Variants in OR1L1 observed in about 807,000 individuals in gnomAD.
OR1L1 encodes the protein olfactory receptor 1L1.
For synonymous variants in OR1L1, 132 were observed against 139.1 expected, an observed-to-expected ratio of 0.95 and a Z score of 0.36; for missense variants, 367 against 371.1, an observed-to-expected ratio of 0.99 and a Z score of 0.09.
chr9:122,662,583 A>G lies in OR1L1; in HGVS notation c.868A>G (p.Ser290Gly), dbSNP rs956197417. ...LTPMLNPFIY[S>G]LRNKDMKQGL... ...TCCTATGCTAAATCCATTTATCTAT[A>G]GTCTGAGGAACAAAGACATGAAGCA... Residue 290 changes from serine (S) to glycine (G), a missense_variant, in exon 1 of 1, where the codon AGT becomes GGT. Transcript: ENST00000309623. The G allele has an allele frequency of 3.1e-6, 5 of 1,613,606 alleles. No homozygotes were observed. Among genetic ancestry groups the G allele is most frequent in the African/African-American group, 1.3e-5 (1 of 74,948 alleles).
rs545225993 is a variant in OR1L1, at chr9:122,662,248, T to G, written c.533T>G (p.Phe178Cys). The G allele has an allele frequency of 1.2e-6, 2 of 1,614,084 alleles. No homozygotes were observed. The highest frequency in any genetic ancestry group is 1.3e-5 in the African/African-American group (1 of 75,062). The change falls in exon 1 of 1, where the codon TTC becomes TGC. Residue 178 changes from phenylalanine (F) to cysteine (C), a missense_variant. Physicochemically the swap from Phe to Cys is radical, Grantham distance 205. Coordinates refer to ENST00000309623, the MANE Select transcript of OR1L1 (RefSeq NM_001005236.3). ...GCCTCAAATGTCATCCATCACTTTT[T>G]CTGCGATGATCAACCAGTGCTAAAA... ...FCASNVIHHF[F>C]CDDQPVLKLS...
Position 122,662,613 on chromosome 9 carries a change from T to C in OR1L1, c.898T>C (p.Leu300=). The C allele has an allele frequency of 6.2e-7, 1 of 1,611,588 alleles. No individual in the cohort carries two copies. Among genetic ancestry groups the C allele is most frequent in the Non-Finnish European group, 8.5e-7 (1 of 1,179,950 alleles). ...GAGGAACAAAGACATGAAGCAGGGT[T>C]TGGCAAAGTTGATGCACAGGATGAA... is the stretch of plus-strand genomic sequence containing the variant. ...SLRNKDMKQG[L]AKLMHRMKCQ Residue 300 remains leucine, a synonymous_variant, in exon 1 of 1, where the codon TTG becomes CTG. Transcript: ENST00000309623.
chr9:122,661,831 T>A lies in OR1L1; in HGVS notation c.116T>A (p.Val39Glu), dbSNP rs776232377. 2.5e-6 allele frequency: 4 copies of A among 1,614,056 alleles called. No homozygotes were observed. The highest frequency in any genetic ancestry group is 2.2e-5 in the South Asian group (2 of 91,078). ...TTCCTCCCCATCTACCTTATCACAG[T>A]GATAGGAAACCTGCTTATCATCCTG... is the stretch of plus-strand genomic sequence containing the variant. ...AVFLPIYLITVIGNLLIILAI... is the reference protein window; with the variant it reads ...AVFLPIYLITEIGNLLIILAI... Residue 39 changes from valine (V) to glutamate (E), a missense_variant, in exon 1 of 1, where the codon GTG becomes GAG. Transcript: ENST00000309623.
Position 122,662,497 on chromosome 9 carries a change from A to G in OR1L1, c.782A>G (p.Gln261Arg), listed in dbSNP as rs1157682630. ...FYGSISYLYFQPLSNYTVKDQ... is the reference protein window; with the variant it reads ...FYGSISYLYFRPLSNYTVKDQ... ...GGAAGCATTAGCTATCTCTATTTTC[A>G]GCCCCTGTCCAACTATACTGTCAAG... Residue 261 changes from glutamine (Q) to arginine (R), a missense_variant, in exon 1 of 1, where the codon CAG (glutamine) becomes CGG (arginine). Coordinates refer to ENST00000309623, the MANE Select transcript of OR1L1 (RefSeq NM_001005236.3). The G allele has an allele frequency of 6.2e-7, 1 of 1,614,186 alleles. No homozygotes were observed. Among genetic ancestry groups the G allele is most frequent in the South Asian group, 1.1e-5 (1 of 91,080 alleles).
Position 122,661,791 on chromosome 9 carries a change from C to T in OR1L1, c.76C>T (p.Pro26Ser), listed in dbSNP as rs1469386617. Residue 26 changes from proline (P) to serine (S), a missense_variant, in exon 1 of 1, where the codon CCG (proline) becomes TCG (serine). Coordinates refer to ENST00000309623, the MANE Select transcript of OR1L1 (RefSeq NM_001005236.3). ...CTCCTCTCGACCTGAGGATCAGAAG[C>T]CGCTCTTTGCTGTGTTCCTCCCCAT... ...GLSSRPEDQK[P>S]LFAVFLPIYL... 6.8e-6 allele frequency: 11 copies of T among 1,614,032 alleles called. No homozygotes were observed. Among genetic ancestry groups the T allele is most frequent in the Non-Finnish European group, 9.3e-6 (11 of 1,180,024 alleles).
chr9:122,661,894 A>G lies in OR1L1; in HGVS notation c.179A>G (p.Tyr60Cys), dbSNP rs746753837. Residue 60 changes from tyrosine (Y) to cysteine (C), a missense_variant, in exon 1 of 1, where the codon TAC (tyrosine) becomes TGC (cysteine). Tyr to Cys is a radical substitution (Grantham distance 194). Transcript: ENST00000309623. ...GACACTCGTCTCCAGACGCCCATGTACTTCTTTCTAAGCATCCTGTCTTTT... is the reference window on the plus strand; with the variant it reads ...GACACTCGTCTCCAGACGCCCATGTGCTTCTTTCTAAGCATCCTGTCTTTT... The part of the protein sequence containing the change: ...RSDTRLQTPM[Y>C]FFLSILSFVD... 9 of 1,614,042 alleles carry G rather than the reference A, an allele frequency of 5.6e-6. No homozygotes were observed. The highest frequency in any genetic ancestry group is 5.1e-6 in the Non-Finnish European group (6 of 1,180,052).
At position 122,662,612 on chromosome 9, in the gene OR1L1, T is replaced by C; in HGVS notation, c.897T>C (p.Gly299=). The C allele has an allele frequency of 1.2e-6, 2 of 1,611,660 alleles. No individual in the cohort carries two copies. The highest frequency in any genetic ancestry group is 1.1e-5 in the South Asian group (1 of 91,074). Reference sequence around the variant, plus strand: ...TGAGGAACAAAGACATGAAGCAGGGTTTGGCAAAGTTGATGCACAGGATGA... The same window carrying C: ...TGAGGAACAAAGACATGAAGCAGGGCTTGGCAAAGTTGATGCACAGGATGA... ...YSLRNKDMKQ[G]LAKLMHRMKC... Residue 299 remains glycine, a synonymous_variant, in exon 1 of 1, where the codon GGT becomes GGC. Transcript: ENST00000309623.
At position 122,662,341 on chromosome 9, in the gene OR1L1, C is replaced by A. The variant is rs749902082; in HGVS notation, c.626C>A (p.Thr209Asn). The A allele has an allele frequency of 2.5e-5, 41 of 1,614,054 alleles. No individual in the cohort carries two copies. Among genetic ancestry groups the A allele is most frequent in the Non-Finnish European group, 3.2e-5 (38 of 1,180,030 alleles). ...VMTEGLAVIM[T>N]PFSCIIISYL... ...ACAGAAGGCTTGGCTGTCATAATGA[C>A]CCCGTTTTCATGCATCATCATCTCT... The change falls in exon 1 of 1, where the codon ACC (threonine) becomes AAC (asparagine). Residue 209 changes from threonine (T) to asparagine (N), a missense_variant. Transcript: ENST00000309623.
Position 122,662,516 on chromosome 9 carries a change from T to C in OR1L1, c.801T>C (p.Thr267=). ...ATTTTCAGCCCCTGTCCAACTATAC[T>C]GTCAAGGATCAAATAGCAACAATTA... ...YLYFQPLSNY[T]VKDQIATIIY... The change falls in exon 1 of 1, where the codon ACT becomes ACC. Residue 267 remains threonine, a synonymous_variant. Coordinates refer to ENST00000309623, the MANE Select transcript of OR1L1 (RefSeq NM_001005236.3). 3 of 1,614,180 alleles carry C rather than the reference T, an allele frequency of 1.9e-6. No homozygotes were observed. Among genetic ancestry groups the C allele is most frequent in the Non-Finnish European group, 2.5e-6 (3 of 1,180,008 alleles).
Position 122,662,242 on chromosome 9 carries a change from A to G in OR1L1, c.527A>G (p.His176Arg), listed in dbSNP as rs777696635. ...LIFCASNVIHHFFCDDQPVLK... is the reference protein window; with the variant it reads ...LIFCASNVIHRFFCDDQPVLK... The stretch of plus-strand genomic sequence containing the variant: ...TTCTGTGCCTCAAATGTCATCCATC[A>G]CTTTTTCTGCGATGATCAACCAGTG... The change falls in exon 1 of 1, where the codon CAC becomes CGC. Residue 176 changes from histidine (H) to arginine (R), a missense_variant. His to Arg is a conservative substitution (Grantham distance 29). Transcript: ENST00000309623. 7 of 1,613,760 alleles carry G rather than the reference A, an allele frequency of 4.3e-6. No individual in the cohort carries two copies. In the African/African-American group the frequency reaches 9.4e-5, roughly 22 times the overall value.
At position 122,661,822 on chromosome 9, in the gene OR1L1, T is replaced by G. The variant is rs1830518315; in HGVS notation, c.107T>G (p.Leu36Arg). 1 of 1,614,054 alleles carries G rather than the reference T, an allele frequency of 6.2e-7. No homozygotes were observed. The highest frequency in any genetic ancestry group is 1.7e-5 in the Admixed American group (1 of 60,006). ...TTTGCTGTGTTCCTCCCCATCTACC[T>G]TATCACAGTGATAGGAAACCTGCTT... is the stretch of plus-strand genomic sequence containing the variant. The part of the protein sequence containing the change: ...PLFAVFLPIY[L>R]ITVIGNLLII... The change falls in exon 1 of 1, where the codon CTT (leucine) becomes CGT (arginine). Residue 36 changes from leucine (L) to arginine (R), a missense_variant. By Grantham distance (102) the Leu-to-Arg change is moderately radical. Transcript: ENST00000309623.
In OR1L1 at chr9:122,662,560, C is replaced by T; in HGVS notation, c.845C>T (p.Pro282Leu). ...ACAATTATCTACACCGTACTGACTC[C>T]TATGCTAAATCCATTTATCTATAGT... ...IATIIYTVLTPMLNPFIYSLR... is the reference protein window; with the variant it reads ...IATIIYTVLTLMLNPFIYSLR... The change falls in exon 1 of 1, where the codon CCT becomes CTT. Residue 282 changes from proline to leucine, a missense_variant. Physicochemically the swap from Pro to Leu is moderately conservative, Grantham distance 98. Coordinates refer to ENST00000309623, the MANE Select transcript of OR1L1 (RefSeq NM_001005236.3). 6.2e-7 allele frequency: 1 copy of T among 1,614,038 alleles called. No homozygotes were observed. The highest frequency in any genetic ancestry group is 2.2e-5 in the East Asian group (1 of 44,880).
rs143239578 is a variant in OR1L1 at position 122,662,625 on chromosome 9, A to G, written c.910A>G (p.Met304Val). The G allele has an allele frequency of 6.2e-7, 1 of 1,609,698 alleles. No individual in the cohort carries two copies. The highest frequency in any genetic ancestry group is 8.5e-7 in the Non-Finnish European group (1 of 1,179,802). ...CATGAAGCAGGGTTTGGCAAAGTTG[A>G]TGCACAGGATGAAATGTCAGTAAAA... ...KDMKQGLAKL[M>V]HRMKCQ The change falls in exon 1 of 1, where the codon ATG (methionine) becomes GTG (valine). Residue 304 changes from methionine to valine, a missense_variant. Met to Val is a conservative substitution (Grantham distance 21, BLOSUM62 1). Coordinates refer to ENST00000309623, the MANE Select transcript of OR1L1 (RefSeq NM_001005236.3).
In OR1L1 at chr9:122,661,974, T is replaced by G; in HGVS notation, c.259T>G (p.Ser87Ala). The G allele has an allele frequency of 3.7e-6, 6 of 1,614,234 alleles. No homozygotes were observed. Among genetic ancestry groups the G allele is most frequent in the Non-Finnish European group, 5.1e-6 (6 of 1,180,040 alleles). Residue 87 changes from serine (S) to alanine (A), a missense_variant, in exon 1 of 1, where the codon TCA becomes GCA. Physicochemically the swap from Ser to Ala is moderately conservative, Grantham distance 99 (BLOSUM62 1). Transcript: ENST00000309623. The part of the protein sequence containing the change: ...IIPKMLVNFL[S>A]ETKTISYSEC... Reference sequence around the variant, plus strand: ...CCCTAAGATGCTGGTGAACTTCTTATCAGAGACAAAGACCATCTCTTACAG... The same window carrying G: ...CCCTAAGATGCTGGTGAACTTCTTAGCAGAGACAAAGACCATCTCTTACAG...
Position 122,662,003 on chromosome 9 carries a change from G to C in OR1L1, c.288G>C (p.Glu96Asp), listed in dbSNP as rs138813973. The C allele has an allele frequency of 1.2e-6, 2 of 1,614,084 alleles. No individual in the cohort carries two copies. The highest frequency in any genetic ancestry group is 2.2e-5 in the South Asian group (2 of 91,090). Residue 96 changes from glutamate to aspartate, a missense_variant, in exon 1 of 1, where the codon GAG (glutamate) becomes GAC (aspartate). Transcript: ENST00000309623. The part of the protein sequence containing the change: ...LSETKTISYS[E>D]CLTQMYFFLA... ...AGACAAAGACCATCTCTTACAGTGAGTGTCTGACCCAGATGTACTTTTTCT... is the reference window on the plus strand; with the variant it reads ...AGACAAAGACCATCTCTTACAGTGACTGTCTGACCCAGATGTACTTTTTCT...
chr9:122,661,981 C>A lies in OR1L1; in HGVS notation c.266C>A (p.Thr89Lys). The A allele has an allele frequency of 6.2e-7, 1 of 1,614,180 alleles. No homozygotes were observed. Among genetic ancestry groups the A allele is most frequent in the Non-Finnish European group, 8.5e-7 (1 of 1,180,030 alleles). The change falls in exon 1 of 1, where the codon ACA (threonine) becomes AAA (lysine). Residue 89 changes from threonine to lysine, a missense_variant. Coordinates refer to ENST00000309623, the MANE Select transcript of OR1L1 (RefSeq NM_001005236.3). ...ATGCTGGTGAACTTCTTATCAGAGA[C>A]AAAGACCATCTCTTACAGTGAGTGT... Reference protein sequence around the residue: ...PKMLVNFLSETKTISYSECLT... With the variant: ...PKMLVNFLSEKKTISYSECLT...
chr9:122,662,512 A>G lies in OR1L1; in HGVS notation c.797A>G (p.Tyr266Cys), dbSNP rs1339176715. 3 of 1,614,016 alleles carry G rather than the reference A, an allele frequency of 1.9e-6. No homozygotes were observed. The African/African-American group carries it at 4.0e-5, about 22-fold the overall frequency. The change falls in exon 1 of 1, where the codon TAT (tyrosine) becomes TGT (cysteine). Residue 266 changes from tyrosine (Y) to cysteine (C), a missense_variant. Coordinates refer to ENST00000309623, the MANE Select transcript of OR1L1 (RefSeq NM_001005236.3). ...SYLYFQPLSN[Y>C]TVKDQIATII... is the part of the protein sequence containing the mutation. ...CTCTATTTTCAGCCCCTGTCCAACT[A>G]TACTGTCAAGGATCAAATAGCAACA...
Position 122,661,740 on chromosome 9 carries a change from C to G in OR1L1, c.25C>G (p.Pro9Ala). The change falls in exon 1 of 1, where the codon CCC becomes GCC. Residue 9 changes from proline (P) to alanine (A), a missense_variant. By Grantham distance (27) the Pro-to-Ala change is conservative. Coordinates refer to ENST00000309623, the MANE Select transcript of OR1L1 (RefSeq NM_001005236.3). MGRNNLTR[P>A]SEFILLGLSS... ...TATGGGAAGAAATAACCTAACAAGACCCTCTGAATTCATCCTCCTTGGACT... is the reference window on the plus strand; with the variant it reads ...TATGGGAAGAAATAACCTAACAAGAGCCTCTGAATTCATCCTCCTTGGACT... 1 of 1,614,132 alleles carries G rather than the reference C, an allele frequency of 6.2e-7. No individual in the cohort carries two copies. The highest frequency in any genetic ancestry group is 2.2e-5 in the East Asian group (1 of 44,886).
chr9:122,661,985 G>C lies in OR1L1; in HGVS notation c.270G>C (p.Lys90Asn). 1 of 1,614,204 alleles carries C rather than the reference G, an allele frequency of 6.2e-7. No homozygotes were observed. The highest frequency in any genetic ancestry group is 8.5e-7 in the Non-Finnish European group (1 of 1,180,040). ...KMLVNFLSETKTISYSECLTQ... is the reference protein window; with the variant it reads ...KMLVNFLSETNTISYSECLTQ... ...TGGTGAACTTCTTATCAGAGACAAA[G>C]ACCATCTCTTACAGTGAGTGTCTGA... The change falls in exon 1 of 1, where the codon AAG becomes AAC. Residue 90 changes from lysine to asparagine, a missense_variant. Coordinates refer to ENST00000309623, the MANE Select transcript of OR1L1 (RefSeq NM_001005236.3).
Sources: gnomAD v4.1 joint callset for allele counts on GRCh38, gnomAD v4.1.1 for gene constraint, MANE v1.5 for transcripts, NCBI Gene and HGNC (gene_info 2026-07-23, HGNC 2026-07-21) for gene names.